Variants in LINGO2 observed in about 807,000 individuals in gnomAD.
LINGO2 encodes the protein leucine-rich repeat and immunoglobulin-like domain-containing nogo receptor-interacting protein 2.
A neutral mutation model predicts 30.6 loss-of-function variants in LINGO2; 14 were observed. The ratio of observed to expected loss-of-function variants is 0.46; its 90% CI spans 0.30 to 0.72. The LOEUF (loss-of-function observed/expected upper bound fraction) is 0.72. LINGO2 is among the 30% of genes least tolerant of loss of function. The pLI is 0.07. For missense variants in LINGO2, 729 were observed against 751.7 expected, an observed-to-expected ratio of 0.97 and a Z score of 0.35; for synonymous variants, 317 against 288.5, an observed-to-expected ratio of 1.10 and a Z score of -1.00.
At chr9:28,060,118 A>T (rs1489268922) in intron 4 of LINGO2, among the ~76,000 whole-genome samples, 1 of 152,202 alleles carries the variant, frequency 6.6e-6, no homozygotes, top group Non-Finnish European at 1.5e-5. Flanking sequence ...TATATTGCAG[A>T]GCACTAGCCA....
At chr9:28,122,141 C>G (rs561750941) in intron 4 of LINGO2, among the ~76,000 whole-genome samples, 1 of 152,078 alleles carries the variant, frequency 6.6e-6, no homozygotes, top group Admixed American at 6.6e-5. Context: ...TGTCTTGAGA[C>G]AGTACATAGG....
At chr9:28,182,984 T>C (rs1464795027) in intron 4 of LINGO2, among the ~76,000 whole-genome samples, 43 of 152,086 alleles carry the variant, frequency 2.8e-4, no homozygotes, top group Admixed American at 2.8e-3. Context: ...TATAAATCAT[T>C]CTGCTATAAA....
chr9:28,277,963 A>G (rs1275171176), intron 4 of LINGO2, among the ~76,000 whole-genome samples: 4 of 152,208 alleles, frequency 2.6e-5, no homozygotes, highest in Non-Finnish European at 5.9e-5. Flanking sequence ...TGTGAATGCA[A>G]ATGAAAGTTC....
intron 1 of LINGO2, among the ~76,000 whole-genome samples, chr9:28,489,119 C>A (rs865855345): frequency 6.6e-6 from 1 of 152,188 alleles, no homozygotes; most frequent in Non-Finnish European, 1.5e-5. Context: ...ACTCACTTCT[C>A]TACATTCTGG....
At chr9:28,678,341 C>T in the LINGO2 span, among the ~76,000 whole-genome samples, 1 of 151,954 alleles carries the variant, frequency 6.6e-6, no homozygotes, top group Non-Finnish European at 1.5e-5. Flanking sequence ...TCTTTCCATT[C>T]CTTGCTTAGT....
intron 5 of LINGO2, among the ~76,000 whole-genome samples, chr9:28,005,973 C>T (rs1822247040): frequency 6.6e-6 from 1 of 152,042 alleles, no homozygotes; most frequent in Non-Finnish European, 1.5e-5. Flanking sequence ...AAGATGTAAA[C>T]CCCAGTAGCA....
chr9:29,099,990 T>C, the LINGO2 span, among the ~76,000 whole-genome samples: 1 of 152,100 alleles, frequency 6.6e-6, no homozygotes, highest in East Asian at 1.9e-4. Context: ...TAGGTGTCCA[T>C]CAGCAGAAGA....
chr9:28,148,200 A>G lies in LINGO2; in HGVS notation c.-86-135795T>C, dbSNP rs1002597779. 5 of 740,916 alleles carry G rather than the reference A, an allele frequency of 6.7e-6. No homozygotes were observed. In the African/African-American group the frequency reaches 7.2e-5, roughly 11 times the overall value. 45.9% of individuals were successfully genotyped at this position (740,916 alleles called of 1,614,324 possible). A position where few individuals can be genotyped will look rare whatever the true frequency, so the allele number is the denominator to read the frequency against. ...GGGCCTTCTTTTCCAGTCAGTTGGG[A>G]CGGCGCCCCTATGAGGCTGTGTCTT... On this transcript the variant is annotated intron_variant, in intron 4 of 5. Transcript: ENST00000379992. This position sits in a 1 kb window ranked among gnomAD's most constrained non-coding sequence, Gnocchi z 5.1.
the LINGO2 span, among the ~76,000 whole-genome samples, chr9:28,895,628 C>G: frequency 1.1e-4 from 16 of 152,020 alleles, no homozygotes; most frequent in African/African-American, 3.4e-4. Flanking sequence ...CATTTCTGTG[C>G]CCTACTCGCA....
chr9:29,012,928 T>A, the LINGO2 span, among the ~76,000 whole-genome samples: 10 of 152,310 alleles, frequency 6.6e-5, no homozygotes, highest in African/African-American at 2.2e-4. Flanking sequence ...GTGAAAGATA[T>A]TAAGTCCTAG....
At chr9:29,054,059 A>T in the LINGO2 span, among the ~76,000 whole-genome samples, 1 of 152,106 alleles carries the variant, frequency 6.6e-6, no homozygotes, top group African/African-American at 2.4e-5. Flanking sequence ...AAATTTCTAG[A>T]AAAGTATTTA....
intron 4 of LINGO2, among the ~76,000 whole-genome samples, chr9:28,169,200 C>G (rs1828514654): frequency 6.6e-6 from 1 of 152,162 alleles, no homozygotes; most frequent in South Asian, 2.1e-4. Flanking sequence ...AATTCACTCT[C>G]CCACATAGTT....
intron 4 of LINGO2, among the ~76,000 whole-genome samples, chr9:28,058,227 A>G (rs1276574209): frequency 6.6e-6 from 1 of 152,150 alleles, no homozygotes; most frequent in African/African-American, 2.4e-5. Context: ...CAGTCTCAAG[A>G]TGGGGTGCTG....
intron 3 of LINGO2, among the ~76,000 whole-genome samples, chr9:28,337,893 G>T (rs972819082): frequency 6.6e-6 from 1 of 152,154 alleles, no homozygotes; most frequent in East Asian, 1.9e-4. Context: ...GAGCACCTCT[G>T]TTAGAGAAGT....
intron 5 of LINGO2, among the ~76,000 whole-genome samples, chr9:27,986,110 T>C (rs1165605711): frequency 1.3e-5 from 2 of 151,496 alleles, no homozygotes; most frequent in Admixed American, 1.3e-4. Flanking sequence ...TTAGGCTGAA[T>C]TCTTACTTAC....
intron 2 of LINGO2, among the ~76,000 whole-genome samples, chr9:28,460,698 A>T (rs1257827522): frequency 1.3e-5 from 2 of 152,018 alleles, no homozygotes; most frequent in Non-Finnish European, 2.9e-5. Flanking sequence ...AGGAAATTTT[A>T]CTCCTCCCTC....
chr9:28,092,372 A>G (rs889390540), intron 4 of LINGO2, among the ~76,000 whole-genome samples: 1 of 152,104 alleles, frequency 6.6e-6, no homozygotes, highest in Non-Finnish European at 1.5e-5. Context: ...AGCCATAAAA[A>G]ATGATGAGTT....
At chr9:29,034,039 G>A in the LINGO2 span, among the ~76,000 whole-genome samples, 6 of 151,662 alleles carry the variant, frequency 4.0e-5, no homozygotes, top group East Asian at 3.9e-4. Flanking sequence ...CTCAGATTGC[G>A]GTCACTGCAC....
chr9:28,011,607 G>A (rs1822557311), intron 5 of LINGO2, among the ~76,000 whole-genome samples: 1 of 152,112 alleles, frequency 6.6e-6, no homozygotes, highest in African/African-American at 2.4e-5. Flanking sequence ...AGTTATTTGG[G>A]CCACTTTTCT....
Sources: gnomAD v4.1 joint callset for allele counts (sites outside exome capture counted in the v4.1 genomes callset) on GRCh38, gnomAD v4.1.1 for gene constraint, Gnocchi (gnomAD v3.1) non-coding constraint, MANE v1.5 for transcripts, NCBI Gene and HGNC (gene_info 2026-07-23, HGNC 2026-07-21) for gene names.